Variants in MAD1L1 observed in about 807,000 individuals in gnomAD.
MAD1L1 encodes mitotic spindle assembly checkpoint protein MAD1.
A neutral mutation model predicts 96.9 loss-of-function variants in MAD1L1; 95 were observed. The ratio of observed to expected loss-of-function variants is 0.98; its 90% CI spans 0.83 to 1.16. MAD1L1 has a LOEUF of 1.16. MAD1L1 is among the 50% of genes most tolerant of loss of function. The probability of loss-of-function intolerance (pLI) is 0.00; values close to 1 mark genes in which losing one functional copy is unlikely to be tolerated. For missense variants in MAD1L1, 1,007 were observed against 954.4 expected (o/e 1.06, Z -0.73); for synonymous variants, 473 against 396.6 (o/e 1.19, Z -2.29).
intron 16 of MAD1L1, among the ~76,000 whole-genome samples, chr7:1,950,186 C>T (rs1779425068): frequency 6.6e-6 from 1 of 152,230 alleles, no homozygotes; most frequent in Admixed American, 6.5e-5. Context: ...GTCCCAGTTC[C>T]ACCAGCCACA....
intron 11 of MAD1L1, among the ~76,000 whole-genome samples, chr7:2,082,819 C>T (rs3800889): frequency 0.046 from 6,968 of 152,298 alleles, 257 homozygotes; most frequent in African/African-American, 0.096. Flanking sequence ...CCTCCGCCCA[C>T]GCCTGTGCGC....
Position 2,225,333 on chromosome 7 carries a change from T to A in MAD1L1, c.291+77A>T, listed in dbSNP as rs530729631. ...CCAGGGACTAGGATGTGATTTCTTA[T>A]AACCTGGCAGGTACCGTGCACAGCC... On this transcript the variant is annotated intron_variant, in intron 4 of 18. Transcript: ENST00000265854. 6.3e-5 allele frequency: 94 copies of A among 1,501,060 alleles called. No individual in the cohort carries two copies. In the Admixed American group the frequency reaches 8.0e-4, roughly 13 times the overall value. The allele number at this position is 1,501,060 out of a possible 1,614,324, so 93.0% of individuals were successfully genotyped here.
In MAD1L1 at chr7:2,087,945, G is replaced by A. The variant is rs574072615; in HGVS notation, c.1074-18607C>T. Among the ~76,000 whole-genome samples the A allele has an allele frequency of 1.6e-4, 25 of 152,244 alleles. No homozygotes were observed. The South Asian group carries it at 4.4e-3, about 27-fold the overall frequency. ...GGAGAGGAAACAGAATTCAACAGCC[G>A]GTGCCTCTGAGAAGATCCAGTGAAA... is the stretch of plus-strand genomic sequence containing the variant. On this transcript the variant is annotated intron_variant, in intron 11 of 18. Coordinates refer to ENST00000265854, the MANE Select transcript of MAD1L1 (RefSeq NM_001013836.2).
chr7:2,074,230 C>A (rs185094016), intron 11 of MAD1L1, among the ~76,000 whole-genome samples: 1 of 152,252 alleles, frequency 6.6e-6, no homozygotes, highest in African/African-American at 2.4e-5. Flanking sequence ...GTGGGAATCT[C>A]AAGCAAAGAA....
At chr7:1,873,885 T>C (rs1314941953) in intron 18 of MAD1L1, among the ~76,000 whole-genome samples, 1 of 152,116 alleles carries the variant, frequency 6.6e-6, no homozygotes, top group Non-Finnish European at 1.5e-5. Context: ...TGAACGAGAA[T>C]GGATGCTGAG....
intron 12 of MAD1L1, among the ~76,000 whole-genome samples, chr7:2,068,014 A>C (rs55789728): frequency 6.6e-6 from 1 of 152,172 alleles, no homozygotes; most frequent in Non-Finnish European, 1.5e-5. Flanking sequence ...AAGGGAACAC[A>C]GAGGAAGGTC....
chr7:1,861,869 C>T (rs1221260516), intron 18 of MAD1L1, among the ~76,000 whole-genome samples: 6 of 144,002 alleles, frequency 4.2e-5, no homozygotes, highest in South Asian at 2.3e-4. Context: ...GACACTGCTC[C>T]GCCTGCCCCC....
At chr7:1,887,858 T>TGC (rs1397699759) in intron 18 of MAD1L1, among the ~76,000 whole-genome samples, 1 of 24,314 alleles carries the variant, frequency 4.1e-5, no homozygotes, top group Non-Finnish European at 7.0e-5. Flanking sequence ...CGTGTGTGTG[T>TGC]GCACGTGTGT....
rs575594322 is a variant in MAD1L1, at chr7:1,892,255, G to A, written c.1998+5945C>T. Among the ~76,000 whole-genome samples the A allele has an allele frequency of 1.3e-5, 2 of 152,210 alleles. 1 individual carries two copies. The highest frequency in any genetic ancestry group is 4.1e-4 in the South Asian group (2 of 4,832). ...ACCATGCGGCCCAAGGGTGCGGGAGGCTGCACGGCCCAGGCTCGTACAAGT... is the reference window on the plus strand; with the variant it reads ...ACCATGCGGCCCAAGGGTGCGGGAGACTGCACGGCCCAGGCTCGTACAAGT... On this transcript the variant is annotated intron_variant, in intron 18 of 18. Coordinates refer to ENST00000265854, the MANE Select transcript of MAD1L1 (RefSeq NM_001013836.2).
chr7:1,859,796 C>G (rs1287729556), intron 18 of MAD1L1, among the ~76,000 whole-genome samples: 1 of 151,926 alleles, frequency 6.6e-6, no homozygotes, highest in African/African-American at 2.4e-5. Context: ...CTCTGTCTCC[C>G]TAGACGTGAC....
chr7:1,979,681 G>T (rs1780805059), intron 15 of MAD1L1, among the ~76,000 whole-genome samples: 1 of 152,190 alleles, frequency 6.6e-6, no homozygotes, highest in Non-Finnish European at 1.5e-5. Context: ...CTGGGGTGAG[G>T]GTGGCCTAGG....
intron 4 of MAD1L1, among the ~76,000 whole-genome samples, chr7:2,223,139 G>A (rs974462891): frequency 2.0e-5 from 3 of 152,176 alleles, no homozygotes; most frequent in African/African-American, 4.8e-5. Context: ...GTCTAATTAC[G>A]CTCTGTCCGG....
chr7:2,178,203 T>C (rs1238107762), intron 10 of MAD1L1, among the ~76,000 whole-genome samples: 1 of 152,242 alleles, frequency 6.6e-6, no homozygotes, highest in African/African-American at 2.4e-5. Context: ...AAAAACGAAA[T>C]ATTTTCAAAT....
chr7:2,012,548 G>A (rs1782350151), intron 13 of MAD1L1, among the ~76,000 whole-genome samples: 1 of 152,242 alleles, frequency 6.6e-6, no homozygotes, highest in Non-Finnish European at 1.5e-5. Flanking sequence ...AGCAGGCCCT[G>A]CACGCACGGG....
At chr7:2,135,209 C>T (rs1471365401) in intron 11 of MAD1L1, among the ~76,000 whole-genome samples, 3 of 152,212 alleles carry the variant, frequency 2.0e-5, no homozygotes, top group African/African-American at 7.2e-5. Context: ...GGCCCTCAGG[C>T]CACTAGGCCC....
At chr7:1,870,991 A>C (rs1785050640) in intron 18 of MAD1L1, among the ~76,000 whole-genome samples, 1 of 141,030 alleles carries the variant, frequency 7.1e-6, no homozygotes, top group African/African-American at 2.6e-5. Flanking sequence ...TACGCCTGCC[A>C]TGCCGAACCA....
In MAD1L1 at chr7:1,928,571, C is replaced by T. The variant is rs117666538; in HGVS notation, c.1807+8116G>A. On this transcript the variant is annotated intron_variant, in intron 17 of 18. Coordinates refer to ENST00000265854, the MANE Select transcript of MAD1L1 (RefSeq NM_001013836.2). The stretch of plus-strand genomic sequence containing the variant: ...TTGGCACAGGACTGGGCCAAACAGG[C>T]ATGGTCCTGCACTTCAGACGCCAGC... Among the ~76,000 whole-genome samples the T allele has an allele frequency of 4.9e-4, 75 of 152,356 alleles. No individual in the cohort carries two copies. The East Asian group carries it at 0.014, about 29-fold the overall frequency.
intron 16 of MAD1L1, among the ~76,000 whole-genome samples, chr7:1,948,380 T>C: frequency 6.6e-6 from 1 of 150,510 alleles, no homozygotes; most frequent in Non-Finnish European, 1.5e-5. Context: ...GCCCAGAGGC[T>C]AAGCGAGGGT....
chr7:1,980,312 C>A (rs1780835818), intron 15 of MAD1L1, 141 bp downstream of exon 15: 2 of 684,564 alleles, frequency 2.9e-6, no homozygotes, highest in East Asian at 6.3e-5. Flanking sequence ...CCGTGGGACA[C>A]ACCTGGGCGT....
Sources: allele counts gnomAD v4.1 joint callset (sites outside exome capture counted in the v4.1 genomes callset), GRCh38; gene constraint gnomAD v4.1.1; transcripts MANE v1.5; gene names NCBI Gene and HGNC (gene_info 2026-07-23, HGNC 2026-07-21).